The following ERBB4 variants were observed in gnomAD, a reference collection of about 807,000 sequenced individuals.
The protein encoded by ERBB4 is erb-b2 receptor tyrosine kinase 4, also known as receptor tyrosine-protein kinase erbB-4.
A neutral mutation model predicts 158.0 loss-of-function variants in ERBB4; 42 were observed. That is an observed-to-expected ratio of 0.27 (90% CI 0.21 to 0.34). ERBB4 has a LOEUF of 0.34. Ranked by LOEUF, ERBB4 falls within the 10% of genes least tolerant of loss-of-function variation. ERBB4 has a pLI of 1.00. For missense variants in ERBB4, 1,333 were observed against 1,624.1 expected, an observed-to-expected ratio of 0.82 and a Z score of 3.08; for synonymous variants, 583 against 558.7, an observed-to-expected ratio of 1.04 and a Z score of -0.61.
rs1042463565 is a variant in ERBB4 at position 212,145,438 on chromosome 2, G to C, written c.83-20535C>G. On this transcript the variant is annotated intron_variant, in intron 1 of 27. Transcript: ENST00000342788. ...CTAGTATAAAATTAGCCCTCTTCCA[G>C]TATCAAAATATTTCACATGCCATCT... Among the ~76,000 whole-genome samples the C allele has an allele frequency of 8.5e-5, 13 of 152,148 alleles. No individual in the cohort carries two copies. The South Asian group carries it at 1.0e-3, about 12-fold the overall frequency.
chr2:212,115,593 C>A lies in ERBB4; in HGVS notation c.234+9159G>T, dbSNP rs376446514. Among the ~76,000 whole-genome samples, 17 of 152,262 alleles carry A rather than the reference C, an allele frequency of 1.1e-4. 2 individuals are homozygous for A. Among genetic ancestry groups the A allele is most frequent in the African/African-American group, 4.1e-4 (17 of 41,546 alleles). ...AGTAAAGAAATAACTTTTACATGCT[C>A]AATTTCCCTGAGCAAAGTATATCAA... On this transcript the variant is annotated intron_variant, in intron 2 of 27. Coordinates refer to ENST00000342788, the MANE Select transcript of ERBB4 (RefSeq NM_005235.3).
intron 2 of ERBB4, among the ~76,000 whole-genome samples, chr2:212,024,359 T>A (rs2076726017): frequency 6.6e-6 from 1 of 152,006 alleles, no homozygotes; most frequent in Non-Finnish European, 1.5e-5. Context: ...GTTAATGTTA[T>A]CTTTATATTA....
chr2:211,679,752 T>C (rs34579531), intron 12 of ERBB4, among the ~76,000 whole-genome samples: 62,976 of 151,994 alleles, frequency 0.41, 14,252 homozygotes, highest in East Asian at 0.9. Flanking sequence ...TGATCTTGGC[T>C]CACTGCAACC....
intron 20 of ERBB4, among the ~76,000 whole-genome samples, chr2:211,545,261 A>G (rs2066912726): frequency 6.6e-6 from 1 of 152,130 alleles, no homozygotes; most frequent in African/African-American, 2.4e-5. Flanking sequence ...ATAAGTATAT[A>G]CAGGTCAATA....
intron 19 of ERBB4, among the ~76,000 whole-genome samples, chr2:211,563,857 G>A (rs1485598039): frequency 6.6e-6 from 1 of 152,090 alleles, no homozygotes; most frequent in Non-Finnish European, 1.5e-5. Context: ...TACACATAGA[G>A]GGTGTAATAT....
intron 1 of ERBB4, among the ~76,000 whole-genome samples, chr2:212,239,943 G>A (rs2084021417): frequency 6.6e-6 from 1 of 152,104 alleles, no homozygotes; most frequent in Admixed American, 6.5e-5. Context: ...ACACAAAGAA[G>A]TAAAAATGGG....
intron 1 of ERBB4, among the ~76,000 whole-genome samples, chr2:212,205,872 C>T (rs2082731249): frequency 6.6e-6 from 1 of 152,148 alleles, no homozygotes; most frequent in South Asian, 2.1e-4. Flanking sequence ...AGTACCATTT[C>T]AATCTGATGT....
chr2:212,021,560 C>T (rs1424797941), intron 2 of ERBB4, among the ~76,000 whole-genome samples: 3 of 152,174 alleles, frequency 2.0e-5, no homozygotes, highest in South Asian at 2.1e-4. Context: ...ACCACTTATA[C>T]AAAAATTTAC....
intron 12 of ERBB4, among the ~76,000 whole-genome samples, chr2:211,700,412 T>C (rs536107629): frequency 1.3e-5 from 2 of 152,190 alleles, no homozygotes; most frequent in Non-Finnish European, 2.9e-5. Context: ...CGTGATTCTA[T>C]GTGGAACATG....
chr2:212,246,557 G>A (rs763551963), intron 1 of ERBB4, among the ~76,000 whole-genome samples: 24 of 152,094 alleles, frequency 1.6e-4, no homozygotes, highest in Non-Finnish European at 2.9e-5. Context: ...GTTAGTGCAA[G>A]AATATACACA....
chr2:211,929,494 G>A (rs1156354919), intron 3 of ERBB4, among the ~76,000 whole-genome samples: 2 of 152,066 alleles, frequency 1.3e-5, no homozygotes, highest in African/African-American at 2.4e-5. Flanking sequence ...TTCTCCCCAT[G>A]TGATGCCTTT....
intron 20 of ERBB4, among the ~76,000 whole-genome samples, chr2:211,472,627 T>A (rs1323091447): frequency 6.6e-6 from 1 of 151,900 alleles, no homozygotes; most frequent in Non-Finnish European, 1.5e-5. Flanking sequence ...GGCTTCTTCA[T>A]GCTTTCCCAA....
chr2:211,630,038 T>C (rs1028789674), intron 17 of ERBB4, among the ~76,000 whole-genome samples: 2 of 152,146 alleles, frequency 1.3e-5, no homozygotes, highest in Non-Finnish European at 2.9e-5. Flanking sequence ...AAAGCCAAAA[T>C]TGACAAATGG....
chr2:211,721,088 A>T (rs915220462), intron 7 of ERBB4, among the ~76,000 whole-genome samples: 1 of 152,106 alleles, frequency 6.6e-6, no homozygotes, highest in African/African-American at 2.4e-5. Context: ...CACAGTCGAA[A>T]GGGGCTGAGA....
At chr2:211,986,951 CTAA>C (rs2125243875) in intron 2 of ERBB4, among the ~76,000 whole-genome samples, 1 of 152,178 alleles carries the variant, frequency 6.6e-6, no homozygotes, top group East Asian at 1.9e-4. Context: ...CAAGAATATA[CTAA>C]TAATATATAA....
chr2:211,793,732 CA>C (rs2076325617), intron 3 of ERBB4, among the ~76,000 whole-genome samples: 2 of 151,868 alleles, frequency 1.3e-5, no homozygotes, highest in Non-Finnish European at 2.9e-5. Flanking sequence ...GTATCTTTCC[CA>C]AACCCAGACC....
chr2:211,448,347 G>A (rs1360818790), intron 20 of ERBB4, among the ~76,000 whole-genome samples: 2 of 152,094 alleles, frequency 1.3e-5, no homozygotes, highest in African/African-American at 4.8e-5. Context: ...TGAAGAAGGT[G>A]AATCTAAATC....
intron 19 of ERBB4, among the ~76,000 whole-genome samples, chr2:211,615,358 C>CA (rs567401038): frequency 2.0e-3 from 300 of 151,812 alleles, no homozygotes; most frequent in African/African-American, 6.9e-3. Flanking sequence ...CAAAAAACAA[C>CA]AAAAAAGCCT....
chr2:211,400,354 C>G (rs950904107), intron 25 of ERBB4, among the ~76,000 whole-genome samples: 2 of 152,052 alleles, frequency 1.3e-5, no homozygotes, highest in African/African-American at 4.8e-5. Flanking sequence ...CTGAATTTTC[C>G]AAGTATCCCT....
Sources: gnomAD v4.1 joint callset for allele counts (sites outside exome capture counted in the v4.1 genomes callset) on GRCh38, gnomAD v4.1.1 for gene constraint, MANE v1.5 for transcripts, NCBI Gene and HGNC (gene_info 2026-07-23, HGNC 2026-07-21) for gene names.